The following KIAA0825 variants were observed in gnomAD, a reference collection of about 807,000 sequenced individuals.
KIAA0825 encodes KIAA0825.
A neutral mutation model predicts 147.6 loss-of-function variants in KIAA0825; 119 were observed. That is an observed-to-expected ratio of 0.81 (90% CI 0.69 to 0.94). The LOEUF (loss-of-function observed/expected upper bound fraction) is 0.94. KIAA0825 is among the 40% of genes least tolerant of loss of function. The pLI, the probability that KIAA0825 is intolerant of heterozygous loss-of-function variation, is 0.00. For synonymous variants in KIAA0825, 470 were observed against 518.1 expected (o/e 0.91, Z 1.26); for missense variants, 1,381 against 1,472.7 (o/e 0.94, Z 1.02).
intron 20 of KIAA0825, among the ~76,000 whole-genome samples, chr5:94,303,153 A>T (rs1036009171): frequency 6.6e-6 from 1 of 151,970 alleles, no homozygotes; most frequent in Non-Finnish European, 1.5e-5. Flanking sequence ...CAATTTTTAC[A>T]ATGCTACCTA....
chr5:94,524,303 T>C (rs1179172869), intron 3 of KIAA0825, among the ~76,000 whole-genome samples: 2 of 151,558 alleles, frequency 1.3e-5, no homozygotes, highest in Admixed American at 6.6e-5. Flanking sequence ...AAAAATGTGA[T>C]AGAGGAAATA....
At chr5:94,307,531 T>C (rs147320789) in intron 20 of KIAA0825, among the ~76,000 whole-genome samples, 1,566 of 151,884 alleles carry the variant, frequency 0.01, 28 homozygotes, top group African/African-American at 0.036. Flanking sequence ...CTTGATTTCT[T>C]CTATTTCAAC....
chr5:94,573,473 T>C (rs1018673329), intron 2 of KIAA0825, among the ~76,000 whole-genome samples: 1 of 152,138 alleles, frequency 6.6e-6, no homozygotes, highest in Non-Finnish European at 1.5e-5. Flanking sequence ...AGTTTCACCA[T>C]GTTGGCCTGG....
At position 94,263,649 on chromosome 5, in the gene KIAA0825, GTC is replaced by G. The variant is rs376859806; in HGVS notation, c.3711-109527_3711-109526del. 3.5e-4 allele frequency among the ~76,000 whole-genome samples: 52 copies of G among 150,620 alleles called. 1 individual carries two copies. In the East Asian group the frequency reaches 8.6e-3, roughly 25 times the overall value. ...TTTCGCCAAGACCTTTTTCTTCAAT[GTC>G]TCTCTCTCTCTCTCTTTTTTTTTGC... is the stretch of plus-strand genomic sequence containing the variant. On this transcript the variant is annotated intron_variant, in intron 20 of 20. Coordinates refer to ENST00000682413, the MANE Select transcript of KIAA0825 (RefSeq NM_001145678.3).
chr5:94,525,974 TA>T (rs1242550458), intron 3 of KIAA0825, among the ~76,000 whole-genome samples: 1 of 152,028 alleles, frequency 6.6e-6, no homozygotes, highest in East Asian at 1.9e-4. Context: ...TCACAAATTA[TA>T]AAATGTCAGA....
intron 11 of KIAA0825, among the ~76,000 whole-genome samples, chr5:94,462,906 T>C (rs1174650064): frequency 6.6e-6 from 1 of 151,784 alleles, no homozygotes; most frequent in Non-Finnish European, 1.5e-5. Flanking sequence ...AAACAGAAAC[T>C]AGATGAGAAG....
intron 20 of KIAA0825, among the ~76,000 whole-genome samples, chr5:94,300,314 T>C (rs1252783179): frequency 6.6e-6 from 1 of 152,086 alleles, no homozygotes; most frequent in East Asian, 1.9e-4. Context: ...TTACAAAGTA[T>C]TTCCTAAAAA....
chr5:94,534,980 T>C (rs1266959533), intron 3 of KIAA0825, among the ~76,000 whole-genome samples: 3 of 152,238 alleles, frequency 2.0e-5, no homozygotes, highest in Admixed American at 6.5e-5. Context: ...ATATATAACA[T>C]GAAAGATATA....
rs1413854838 is a variant in KIAA0825, at chr5:94,403,637, A to G, written c.2819T>C (p.Leu940Ser). 2.6e-6 allele frequency: 4 copies of G among 1,551,510 alleles called. No individual in the cohort carries two copies. The highest frequency in any genetic ancestry group is 3.5e-6 in the Non-Finnish European group (4 of 1,146,920). The change falls in exon 16 of 21, where the codon TTG becomes TCG. Residue 940 changes from leucine to serine, a missense_variant. Physicochemically the swap from Leu to Ser is moderately radical, Grantham distance 145 (BLOSUM62 -2). Coordinates refer to ENST00000682413, the MANE Select transcript of KIAA0825 (RefSeq NM_001145678.3). ...CCATTCCTTTGGCATGCTCTCAAGCAAACAATCAGGAACAATGTGCTTGTT... is the reference window on the plus strand; with the variant it reads ...CCATTCCTTTGGCATGCTCTCAAGCGAACAATCAGGAACAATGTGCTTGTT... ...NLNKHIVPDC[L>S]LESMPKEWNY... is the part of the protein sequence containing the mutation.
intron 20 of KIAA0825, among the ~76,000 whole-genome samples, chr5:94,321,225 C>A (rs1780165080): frequency 6.6e-6 from 1 of 151,878 alleles, no homozygotes; most frequent in Non-Finnish European, 1.5e-5. Flanking sequence ...CATTGGCTAC[C>A]TTTTGCACAA....
intron 14 of KIAA0825, among the ~76,000 whole-genome samples, chr5:94,433,985 T>C (rs201279282): frequency 9.8e-5 from 15 of 152,340 alleles, no homozygotes; most frequent in East Asian, 3.9e-4. Flanking sequence ...TAAGGCCATG[T>C]GGCCTCAGCA....
chr5:94,204,266 A>G (rs1456582574), intron 20 of KIAA0825, among the ~76,000 whole-genome samples: 1 of 152,204 alleles, frequency 6.6e-6, no homozygotes, highest in Non-Finnish European at 1.5e-5. Flanking sequence ...TATTTAAGGC[A>G]TTATAGTTTT....
intron 2 of KIAA0825, among the ~76,000 whole-genome samples, chr5:94,546,885 C>A (rs1469295190): frequency 1.3e-5 from 2 of 148,298 alleles, no homozygotes; most frequent in African/African-American, 5.0e-5. Context: ...CACCAGAGAC[C>A]AATCCTAGAG....
In KIAA0825 at chr5:94,151,570, G is replaced by A. The variant is rs1312983890; in HGVS notation, c.*2437C>T. Among the ~76,000 whole-genome samples the A allele has an allele frequency of 6.7e-6, 1 of 149,910 alleles. No homozygotes were observed. Among genetic ancestry groups the A allele is most frequent in the Non-Finnish European group, 1.5e-5 (1 of 67,854 alleles). On this transcript the variant is annotated 3_prime_UTR_variant, in exon 21 of 21. Coordinates refer to ENST00000682413, the MANE Select transcript of KIAA0825 (RefSeq NM_001145678.3). ...AATTTCACTGAACAAGCACAGAATA[G>A]AATTCAACTGCAAGGCCTCTTTCTC...
intron 2 of KIAA0825, among the ~76,000 whole-genome samples, chr5:94,572,824 TTGATA>T (rs1780227550): frequency 6.6e-6 from 1 of 152,286 alleles, no homozygotes; most frequent in Non-Finnish European, 1.5e-5. Context: ...TGATTTTTGT[TTGATA>T]TGATGAGTGT....
chr5:94,433,582 CAG>C (rs1170646606), intron 14 of KIAA0825, among the ~76,000 whole-genome samples: 3 of 152,132 alleles, frequency 2.0e-5, no homozygotes, highest in Non-Finnish European at 1.5e-5. Context: ...ATTTGAAAGC[CAG>C]CTGCCTGGGT....
chr5:94,334,552 G>A (rs919398094), intron 20 of KIAA0825, among the ~76,000 whole-genome samples: 4 of 152,032 alleles, frequency 2.6e-5, no homozygotes, highest in Admixed American at 1.3e-4. Flanking sequence ...GTGCAATCTC[G>A]GCTCACTGCA....
intron 20 of KIAA0825, among the ~76,000 whole-genome samples, chr5:94,354,768 TAATC>T (rs1159606923): frequency 6.6e-6 from 1 of 152,242 alleles, no homozygotes; most frequent in Non-Finnish European, 1.5e-5. Flanking sequence ...TAGAGCTTCA[TAATC>T]AAACTGTCTT....
chr5:94,598,233 A>T (rs567871194), intron 1 of KIAA0825, among the ~76,000 whole-genome samples: 73 of 152,226 alleles, frequency 4.8e-4, no homozygotes, highest in Middle Eastern at 6.8e-3. Flanking sequence ...ATAAGTTTTT[A>T]AAAAATATTT....
Sources: allele counts gnomAD v4.1 joint callset (sites outside exome capture counted in the v4.1 genomes callset), GRCh38; gene constraint gnomAD v4.1.1; transcripts MANE v1.5; gene names NCBI Gene and HGNC (gene_info 2026-07-23, HGNC 2026-07-21).